The following PCDHA2 variants were observed in gnomAD, a reference collection of about 807,000 sequenced individuals.
PCDHA2 encodes protocadherin alpha 2, also known as protocadherin alpha-2.
In PCDHA2, 58 loss-of-function variants were observed where a neutral mutation model predicts 66.0. The observed-to-expected ratio is 0.88, with a 90% CI of 0.71 to 1.09. PCDHA2 has a LOEUF of 1.09. Among genes scored for constraint, PCDHA2 ranks in the 50% least tolerant of loss-of-function variants. The probability of loss-of-function intolerance (pLI) is 0.00; values close to 1 mark genes in which losing one functional copy is unlikely to be tolerated. For missense variants in PCDHA2, 1,267 were observed against 1,242.3 expected (o/e 1.02, Z -0.30); for synonymous variants, 634 against 554.0 (o/e 1.14, Z -2.03).
chr5:140,823,584 C>G, intron 1 of PCDHA2: 1 of 1,613,980 alleles, frequency 6.2e-7, no homozygotes, highest in Non-Finnish European at 8.5e-7. Flanking sequence ...CGGGCTACAA[C>G]GCTTGGCTTT....
At chr5:140,946,574 G>C (rs246054) in intron 1 of PCDHA2, among the ~76,000 whole-genome samples, 17 of 145,538 alleles carry the variant, frequency 1.2e-4, no homozygotes, top group African/African-American at 4.5e-4. Flanking sequence ...AATCAACTTA[G>C]GTGTTCATAG....
At chr5:140,968,256 A>G (rs782309414) in intron 1 of PCDHA2, 2 of 1,614,006 alleles carry the variant, frequency 1.2e-6, no homozygotes, top group East Asian at 4.5e-5. Flanking sequence ...ACAGACCCAG[A>G]TGAAAAGGAG....
rs185756096 is a variant in PCDHA2, at chr5:140,914,471, T to C, written c.2389-64478T>C. On this transcript the variant is annotated intron_variant, in intron 1 of 3. Coordinates refer to ENST00000526136, the MANE Select transcript of PCDHA2 (RefSeq NM_018905.3). The stretch of plus-strand genomic sequence containing the variant: ...ATTTTCCAGTCTATGTGTATCTTCA[T>C]AGGTGAAGTGTTTCTTGTGGGCAAC... Among the ~76,000 whole-genome samples the C allele has an allele frequency of 2.9e-3, 442 of 152,310 alleles. 1 individual carries two copies. Among genetic ancestry groups the C allele is most frequent in the African/African-American group, 0.01 (423 of 41,574 alleles).
intron 3 of PCDHA2, among the ~76,000 whole-genome samples, chr5:140,986,426 T>C (rs1405347449): frequency 1.3e-5 from 2 of 152,216 alleles, no homozygotes; most frequent in East Asian, 3.9e-4. Context: ...TTTAACTTCA[T>C]GAGTACTAAT....
In PCDHA2 at chr5:141,010,472, A is replaced by G. The variant is rs2098417397; in HGVS notation, c.*535A>G. ...AGCGGAAGTTATCAGTATGGAGGGG[A>G]AGTGTAAACTTAAAGGGACCAGACT... On this transcript the variant is annotated 3_prime_UTR_variant, in exon 4 of 4. Transcript: ENST00000526136. The G allele has an allele frequency of 1.3e-6, 1 of 762,088 alleles. No homozygotes were observed. Among genetic ancestry groups the G allele is most frequent in the African/African-American group, 1.8e-5 (1 of 56,688 alleles). 47.2% of individuals were successfully genotyped at this position (762,088 alleles called of 1,614,324 possible).
chr5:140,933,567 A>G lies in PCDHA2; in HGVS notation c.2389-45382A>G, dbSNP rs146986632. ...AATATAAAATAAAAACCAATTAAGA[A>G]GTCTTAATAGTGGGTTTTTAGGTTG... On this transcript the variant is annotated intron_variant, in intron 1 of 3. Coordinates refer to ENST00000526136, the MANE Select transcript of PCDHA2 (RefSeq NM_018905.3). Among the ~76,000 whole-genome samples the G allele has an allele frequency of 5.4e-3, 827 of 152,184 alleles. 4 individuals are homozygous for G. Among genetic ancestry groups the G allele is most frequent in the African/African-American group, 0.019 (796 of 41,566 alleles).
intron 1 of PCDHA2, chr5:140,830,531 A>G (rs1369304780): frequency 3.9e-6 from 5 of 1,283,804 alleles, no homozygotes; most frequent in Non-Finnish European, 5.2e-6. Flanking sequence ...TTTTAAATTT[A>G]TAATTGTTTT....
chr5:140,827,562 G>A (rs1342392070), intron 1 of PCDHA2, among the ~76,000 whole-genome samples: 2 of 152,094 alleles, frequency 1.3e-5, no homozygotes, highest in African/African-American at 4.8e-5. Flanking sequence ...TTTCCCTAGA[G>A]CACTATATAA....
chr5:140,920,923 G>T (rs1229531762), intron 1 of PCDHA2, among the ~76,000 whole-genome samples: 1 of 151,200 alleles, frequency 6.6e-6, no homozygotes, highest in Non-Finnish European at 1.5e-5. Flanking sequence ...TCCAAGAGTA[G>T]GTGATCTAGC....
At chr5:140,885,012 G>A (rs73793512) in intron 1 of PCDHA2, among the ~76,000 whole-genome samples, 2,131 of 152,234 alleles carry the variant, frequency 0.014, 45 homozygotes, top group African/African-American at 0.049. Flanking sequence ...GAGGCTAATC[G>A]TAATCTTAAA....
chr5:140,822,587 G>A (rs2150117559), intron 1 of PCDHA2: 3 of 1,609,596 alleles, frequency 1.9e-6, no homozygotes, highest in Admixed American at 3.3e-5. Flanking sequence ...GCAGATGAGG[G>A]CATCAATAAG....
At chr5:140,982,453 C>T (rs1554244194) in intron 2 of PCDHA2, 22 bp from the exon 3 acceptor site, 5 of 1,613,812 alleles carry the variant, frequency 3.1e-6, no homozygotes, top group African/African-American at 1.3e-5. Context: ...TAACCGTTAT[C>T]TGGGTCTGTG....
intron 1 of PCDHA2, among the ~76,000 whole-genome samples, chr5:140,953,052 C>T (rs2094839858): frequency 6.6e-6 from 1 of 152,206 alleles, no homozygotes; most frequent in Non-Finnish European, 1.5e-5. Flanking sequence ...ATCCAATCAC[C>T]TCTCACAGGC....
intron 1 of PCDHA2, chr5:140,928,913 G>T (rs782438428): frequency 2.5e-6 from 4 of 1,614,132 alleles, no homozygotes; most frequent in Non-Finnish European, 2.5e-6. Flanking sequence ...TGGGAACCAG[G>T]AGGGCAGCTT....
At chr5:140,939,911 T>C (rs1554213037) in intron 1 of PCDHA2, among the ~76,000 whole-genome samples, 1 of 152,232 alleles carries the variant, frequency 6.6e-6, no homozygotes, top group African/African-American at 2.4e-5. Flanking sequence ...TTCTTTTTTA[T>C]TCTTTTTGTT....
intron 1 of PCDHA2, chr5:140,871,293 G>A (rs1206433527): frequency 6.2e-7 from 1 of 1,613,794 alleles, no homozygotes; most frequent in Non-Finnish European, 8.5e-7. Context: ...CTGAGGGCGC[G>A]TGCGCGCCGG....
chr5:140,856,728 T>A (rs782022822), intron 1 of PCDHA2: 1 of 1,595,848 alleles, frequency 6.3e-7, no homozygotes, highest in Middle Eastern at 1.7e-4. Flanking sequence ...TCTGTTTCTC[T>A]GCTGATCCTG....
intron 1 of PCDHA2, chr5:140,855,837 C>A (rs2043640312): frequency 3.3e-6 from 2 of 610,842 alleles, no homozygotes; most frequent in Non-Finnish European, 5.6e-6. Flanking sequence ...ATCGTACTTA[C>A]ACCTAAAGCC....
At chr5:140,820,061 G>C (rs1163910320) in intron 1 of PCDHA2, among the ~76,000 whole-genome samples, 1 of 151,854 alleles carries the variant, frequency 6.6e-6, no homozygotes, top group African/African-American at 2.4e-5. Flanking sequence ...ATAGAAAGTG[G>C]CTAACATCAG....
Sources: allele counts gnomAD v4.1 joint callset (sites outside exome capture counted in the v4.1 genomes callset), GRCh38; gene constraint gnomAD v4.1.1; transcripts MANE v1.5; gene names NCBI Gene and HGNC (gene_info 2026-07-23, HGNC 2026-07-21).